The following CUX1 variants were observed in gnomAD, a reference collection of about 807,000 sequenced individuals.
CUX1 encodes cut like homeobox 1.
In CUX1, 31 loss-of-function variants were observed where a neutral mutation model predicts 158.8. The observed-to-expected ratio is 0.20, with a 90% CI of 0.15 to 0.26. CUX1 has a LOEUF of 0.26. CUX1 is among the 10% of genes least tolerant of loss of function. The pLI, the probability that CUX1 is intolerant of heterozygous loss-of-function variation, is 1.00. For missense variants in CUX1, 1,589 were observed against 2,014.6 expected (o/e 0.79, Z 4.04); for synonymous variants, 879 against 862.1 (o/e 1.02, Z -0.34).
At chr7:101,941,560 CT>C (rs980041122) in intron 2 of CUX1, among the ~76,000 whole-genome samples, 2 of 152,194 alleles carry the variant, frequency 1.3e-5, no homozygotes, top group African/African-American at 4.8e-5. Flanking sequence ...TTTCCTCAAG[CT>C]ACTGGATCTC....
At chr7:101,821,514 AT>A (rs1273460505) in intron 1 of CUX1, among the ~76,000 whole-genome samples, 3 of 141,660 alleles carry the variant, frequency 2.1e-5, no homozygotes, top group East Asian at 2.2e-4. Flanking sequence ...AATTTTTTGT[AT>A]TTTTAGTAGA....
chr7:102,184,487 C>A (rs560953148), intron 11 of CUX1, among the ~76,000 whole-genome samples: 1 of 152,250 alleles, frequency 6.6e-6, no homozygotes, highest in South Asian at 2.1e-4. Context: ...CTGAATCTCC[C>A]CATTCTTCAG....
chr7:102,105,176 T>TACACACAC (rs3076512), intron 6 of CUX1, among the ~76,000 whole-genome samples: 392 of 144,516 alleles, frequency 2.7e-3, no homozygotes, highest in African/African-American at 6.8e-3. Context: ...TATTTAATAT[T>TACACACAC]ACACACACAC....
chr7:102,261,451 G>A (rs922866287), downstream of CUX1, among the ~76,000 whole-genome samples: 10 of 151,764 alleles, frequency 6.6e-5, no homozygotes, highest in Admixed American at 3.9e-4. Flanking sequence ...CCAAGATTGC[G>A]CCACTGCACT....
chr7:102,228,541 T>A (rs1385345826), intron 21 of CUX1, among the ~76,000 whole-genome samples: 2 of 152,000 alleles, frequency 1.3e-5, no homozygotes, highest in Non-Finnish European at 2.9e-5. Context: ...ATGCCTGTAA[T>A]CCCAGCACAT....
In CUX1 at chr7:101,900,954, A is replaced by G. The variant is rs147222246; in HGVS notation, c.31-15161A>G. On this transcript the variant is annotated intron_variant, in intron 1 of 23. Transcript: ENST00000292535. ...GAAGAATCTAACAATGATAACTACT[A>G]TCTCTCTGGAACTTTTTTTTAACTT... Among the ~76,000 whole-genome samples the G allele has an allele frequency of 5.1e-4, 77 of 152,266 alleles. 2 individuals carry two copies. In the East Asian group the frequency reaches 0.014, roughly 27 times the overall value.
Position 102,253,181 on chromosome 7 carries a change from C to G in CUX1, c.*4139C>G. The G allele has an allele frequency of 3.0e-6, 3 of 985,522 alleles. No individual in the cohort carries two copies. The highest frequency in any genetic ancestry group is 3.6e-6 in the Non-Finnish European group (3 of 829,986). The allele number at this position is 985,522 out of a possible 1,614,324, so 61.0% of individuals were successfully genotyped here. On this transcript the variant is annotated 3_prime_UTR_variant, in exon 24 of 24. Coordinates refer to ENST00000292535, the MANE Select transcript of CUX1 (RefSeq NM_181552.4). ...TCCTGTCTGATGTGGACGTTCAGGT[C>G]TGCTGGTTGGCGGTCCGGGCCCAGA...
At chr7:101,997,286 C>T (rs1282996429) in intron 2 of CUX1, among the ~76,000 whole-genome samples, 1 of 152,218 alleles carries the variant, frequency 6.6e-6, no homozygotes, top group African/African-American at 2.4e-5. Context: ...GCCTGCTCCA[C>T]GTCTCTATGG....
At chr7:102,102,082 A>G (rs1829839109) in intron 5 of CUX1, among the ~76,000 whole-genome samples, 1 of 152,098 alleles carries the variant, frequency 6.6e-6, no homozygotes, top group African/African-American at 2.4e-5. Context: ...AGAGAGACGT[A>G]TCACCAACCA....
intron 2 of CUX1, among the ~76,000 whole-genome samples, chr7:101,971,443 T>C (rs1811941739): frequency 6.6e-6 from 1 of 151,594 alleles, no homozygotes; most frequent in Non-Finnish European, 1.5e-5. Context: ...AGCCCAGGAG[T>C]TCAAGGTCAG....
At chr7:102,122,212 A>T (rs921602224) in intron 8 of CUX1, among the ~76,000 whole-genome samples, 3 of 152,136 alleles carry the variant, frequency 2.0e-5, no homozygotes, top group African/African-American at 7.2e-5. Flanking sequence ...TGTCTTTTTG[A>T]TGAGTCATCA....
intron 6 of CUX1, among the ~76,000 whole-genome samples, chr7:102,108,736 T>TTGTGTGTGTG (rs10527026): frequency 0.044 from 6,399 of 144,980 alleles, 214 homozygotes; most frequent in African/African-American, 0.084. Context: ...TTCATTCATT[T>TTGTGTGTGTG]TGTGTGTGTG....
rs1461302382 is a variant in CUX1, at chr7:102,255,986, C to T, written c.*6944C>T. 14 of 985,314 alleles carry T rather than the reference C, an allele frequency of 1.4e-5. No individual in the cohort carries two copies. The African/African-American group carries it at 1.7e-4, about 12-fold the overall frequency. 61.0% of individuals were successfully genotyped at this position (985,314 alleles called of 1,614,324 possible). ...ACTCAAAGTAAGCTTTAGACCAGGA[C>T]GATTCAGGTTATGAATGAGTTTGTT... On this transcript the variant is annotated 3_prime_UTR_variant, in exon 24 of 24. Coordinates refer to ENST00000292535, the MANE Select transcript of CUX1 (RefSeq NM_181552.4).
Position 102,220,182 on chromosome 7 carries a change from G to A in CUX1, c.3131-7185G>A, listed in dbSNP as rs182349345. On this transcript the variant is annotated intron_variant, in intron 20 of 23. Transcript: ENST00000292535. ...TCGAGACCAGCCTGGCCAACATGGCGAAATCCCATCTCTACTAAAAATACA... is the reference window on the plus strand; with the variant it reads ...TCGAGACCAGCCTGGCCAACATGGCAAAATCCCATCTCTACTAAAAATACA... Among the ~76,000 whole-genome samples, 1,298 of 152,212 alleles carry A rather than the reference G, an allele frequency of 8.5e-3. 12 individuals are homozygous for A. The highest frequency in any genetic ancestry group is 0.03 in the African/African-American group (1,238 of 41,516).
At chr7:102,151,049 T>C (rs1201927708) in intron 8 of CUX1, among the ~76,000 whole-genome samples, 3 of 152,154 alleles carry the variant, frequency 2.0e-5, no homozygotes, top group Non-Finnish European at 4.4e-5. Flanking sequence ...GCCTTCAGCA[T>C]GAAGAGAATG....
At chr7:102,264,292 C>T (rs1790645260) in intron 14 of CUX1, among the ~76,000 whole-genome samples, 1 of 152,244 alleles carries the variant, frequency 6.6e-6, no homozygotes, top group Admixed American at 6.5e-5. Flanking sequence ...AGGCATGAGC[C>T]ATCGCGCCCA....
intron 2 of CUX1, among the ~76,000 whole-genome samples, chr7:101,991,758 CAAAA>C (rs34948858): frequency 3.5e-5 from 4 of 115,924 alleles, no homozygotes; most frequent in African/African-American, 6.6e-5. Context: ...GACTTCATCT[CAAAA>C]AAAAAAAAAA....
At chr7:102,056,260 G>C (rs1824111913) in intron 3 of CUX1, among the ~76,000 whole-genome samples, 1 of 152,140 alleles carries the variant, frequency 6.6e-6, no homozygotes, top group Non-Finnish European at 1.5e-5. Flanking sequence ...TTTCAATGTA[G>C]GTAAAATAAC....
At chr7:101,902,197 G>A (rs572248900) in intron 1 of CUX1, among the ~76,000 whole-genome samples, 7 of 152,160 alleles carry the variant, frequency 4.6e-5, no homozygotes, top group Non-Finnish European at 8.8e-5. Flanking sequence ...ACAGTCGGCC[G>A]AATCTGGATT....
Sources: gnomAD v4.1 joint callset for allele counts (sites outside exome capture counted in the v4.1 genomes callset) on GRCh38, gnomAD v4.1.1 for gene constraint, MANE v1.5 for transcripts, NCBI Gene and HGNC (gene_info 2026-07-23, HGNC 2026-07-21) for gene names.